The following MIS18BP1 variants were observed in gnomAD, a reference collection of about 807,000 sequenced individuals.
MIS18BP1 encodes mis18-binding protein 1.
In MIS18BP1, 72 loss-of-function variants were observed where a neutral mutation model predicts 116.1. The observed-to-expected ratio is 0.62, with a 90% confidence interval of 0.51 to 0.75. The LOEUF is 0.75. Ranked by LOEUF, MIS18BP1 falls within the 30% of genes least tolerant of loss-of-function variation. The pLI, the probability that MIS18BP1 is intolerant of heterozygous loss-of-function variation, is 0.00. For synonymous variants in MIS18BP1, 386 were observed against 427.0 expected, an observed-to-expected ratio of 0.90 and a Z score of 1.18; for missense variants, 1,363 against 1,303.2, an observed-to-expected ratio of 1.05 and a Z score of -0.71.
chr14:45,222,546 T>A (rs1891003215), intron 11 of MIS18BP1, among the ~76,000 whole-genome samples: 1 of 152,160 alleles, frequency 6.6e-6, no homozygotes, highest in South Asian at 2.1e-4. Context: ...ATCATTGTTG[T>A]TTCAATGTCA....
intron 11 of MIS18BP1, among the ~76,000 whole-genome samples, chr14:45,219,063 G>A (rs1890901317): frequency 6.6e-6 from 1 of 151,972 alleles, no homozygotes; most frequent in Non-Finnish European, 1.5e-5. Flanking sequence ...TTTAGAACCT[G>A]GTATACACAT....
chr14:45,231,941 AAGG>A (rs968992307), intron 7 of MIS18BP1, among the ~76,000 whole-genome samples: 12 of 152,220 alleles, frequency 7.9e-5, no homozygotes, highest in Non-Finnish European at 1.5e-4. Context: ...ATGAAAAAAA[AAGG>A]AGGAAGAACT....
At chr14:45,215,857 A>C (rs887353187) in intron 13 of MIS18BP1, among the ~76,000 whole-genome samples, 3 of 151,180 alleles carry the variant, frequency 2.0e-5, no homozygotes, top group African/African-American at 7.3e-5. Flanking sequence ...GGCGGCCGCC[A>C]CCATGCCTAG....
chr14:45,216,947 A>T, intron 13 of MIS18BP1, 72 bp downstream of exon 13: 1 of 1,489,970 alleles, frequency 6.7e-7, no homozygotes, highest in Non-Finnish European at 9.2e-7. Flanking sequence ...AGTGATGAAC[A>T]CTACCATACA....
At chr14:45,216,014 CTT>C (rs1202012421) in intron 13 of MIS18BP1, among the ~76,000 whole-genome samples, 2 of 152,098 alleles carry the variant, frequency 1.3e-5, no homozygotes, top group African/African-American at 4.8e-5. Context: ...TTCAGCTAAT[CTT>C]AATATTCTTA....
Position 45,247,025 on chromosome 14 carries a change from T to G in MIS18BP1, c.262A>C (p.Ser88Arg). Residue 88 changes from serine to arginine, a missense_variant, in exon 2 of 17, where the codon AGT becomes CGT. Transcript: ENST00000310806. ...TTTATAGCACTGATATCAAGAGAAC[T>G]GTTAGAGGTAGTAGCCTCTGTTAGC... The part of the protein sequence containing the change: ...TMLTEATTSN[S>R]SLDISAIKPN... 5.0e-6 allele frequency: 8 copies of G among 1,613,566 alleles called. No individual in the cohort carries two copies. Among genetic ancestry groups the G allele is most frequent in the Non-Finnish European group, 6.8e-6 (8 of 1,179,944 alleles).
At chr14:45,246,496 C>A (rs1012935507) in intron 2 of MIS18BP1, among the ~76,000 whole-genome samples, 1 of 152,184 alleles carries the variant, frequency 6.6e-6, no homozygotes, top group Non-Finnish European at 1.5e-5. Flanking sequence ...AAAATTACAT[C>A]CCCCTCCAAC....
At chr14:45,252,680 A>G (rs533199072) in intron 1 of MIS18BP1, among the ~76,000 whole-genome samples, 2 of 152,212 alleles carry the variant, frequency 1.3e-5, no homozygotes, top group Non-Finnish European at 2.9e-5. Context: ...AAGCTGAATG[A>G]TCAACTGCTT....
chr14:45,222,183 A>G (rs935760492), intron 11 of MIS18BP1, among the ~76,000 whole-genome samples: 9 of 152,192 alleles, frequency 5.9e-5, no homozygotes, highest in Non-Finnish European at 1.2e-4. Flanking sequence ...TTTTAAATTC[A>G]TTCTGACAAT....
intron 11 of MIS18BP1, among the ~76,000 whole-genome samples, chr14:45,222,380 G>GT (rs1163998955): frequency 2.0e-5 from 3 of 151,946 alleles, no homozygotes; most frequent in East Asian, 3.9e-4. Context: ...TCTTTGTATA[G>GT]TTTTTTTAGA....
At chr14:45,234,278 C>G (rs1343593921) in intron 6 of MIS18BP1, among the ~76,000 whole-genome samples, 1 of 146,866 alleles carries the variant, frequency 6.8e-6, no homozygotes, top group Non-Finnish European at 1.5e-5. Context: ...TAAATGTAAA[C>G]AAACTATATG....
At chr14:45,246,327 C>A (rs1354292758) in intron 2 of MIS18BP1, among the ~76,000 whole-genome samples, 1 of 152,188 alleles carries the variant, frequency 6.6e-6, no homozygotes, top group Admixed American at 6.5e-5. Context: ...CATAGCTAGT[C>A]CTTCAACATG....
At chr14:45,234,166 C>T (rs1375134610) in intron 6 of MIS18BP1, among the ~76,000 whole-genome samples, 1 of 150,908 alleles carries the variant, frequency 6.6e-6, no homozygotes, top group Non-Finnish European at 1.5e-5. Context: ...ATGTGGAGGC[C>T]ACTGGTGACT....
chr14:45,242,950 T>C (rs1022245560), intron 2 of MIS18BP1, 76 bp from the exon 3 acceptor site: 3 of 961,584 alleles, frequency 3.1e-6, no homozygotes, highest in Admixed American at 2.4e-5. Context: ...TTTAAAATTC[T>C]TGAAATAAAG....
chr14:45,208,871 A>G (rs951628920), intron 14 of MIS18BP1, among the ~76,000 whole-genome samples: 1 of 152,102 alleles, frequency 6.6e-6, no homozygotes, highest in Non-Finnish European at 1.5e-5. Context: ...TCTGCCTCTC[A>G]TTCTGTGGAA....
In MIS18BP1 at chr14:45,224,429, G is replaced by GTA; in HGVS notation, c.2156_2157dup (p.Leu720TyrfsTer8). On this transcript the variant is annotated frameshift_variant, in exon 11 of 17. Coordinates refer to ENST00000310806, the MANE Select transcript of MIS18BP1 (RefSeq NM_018353.5). LOFTEE classifies it high-confidence loss of function. ...ATTTTTATTTTCCGGTTGACAGTAA[G>GTA]TAAGTCACGTTCATCGCAATCTTCC... is the stretch of plus-strand genomic sequence containing the variant. 6.2e-7 allele frequency: 1 copy of GTA among 1,613,896 alleles called. No individual in the cohort carries two copies. Among genetic ancestry groups the GTA allele is most frequent in the Non-Finnish European group, 8.5e-7 (1 of 1,179,968 alleles).
chr14:45,227,790 T>C lies in MIS18BP1; in HGVS notation c.1619A>G (p.Glu540Gly). ...GTTTAATTCTGTAGCTCCTGGTGACTCACTGTGCTTATTACTCTTCAGTTC... is the reference window on the plus strand; with the variant it reads ...GTTTAATTCTGTAGCTCCTGGTGACCCACTGTGCTTATTACTCTTCAGTTC... ...NLELKSNKHS[E>G]SPGATELNMC... is the part of the protein sequence containing the mutation. The change falls in exon 9 of 17, where the codon GAG becomes GGG. Residue 540 changes from glutamate (E) to glycine (G), a missense_variant. Glu to Gly is a moderately conservative substitution (Grantham distance 98). Coordinates refer to ENST00000310806, the MANE Select transcript of MIS18BP1 (RefSeq NM_018353.5). The C allele has an allele frequency of 6.2e-7, 1 of 1,614,060 alleles. No individual in the cohort carries two copies. Among genetic ancestry groups the C allele is most frequent in the Non-Finnish European group, 8.5e-7 (1 of 1,179,938 alleles).
intron 9 of MIS18BP1, 84 bp downstream of exon 9, chr14:45,227,579 C>G: frequency 8.5e-7 from 1 of 1,169,930 alleles, no homozygotes; most frequent in South Asian, 1.6e-5. Context: ...AACTCACGTC[C>G]CTGATATGGT....
At chr14:45,218,140 T>C (rs931786378) in intron 12 of MIS18BP1, 142 bp downstream of exon 12, 3 of 929,754 alleles carry the variant, frequency 3.2e-6, no homozygotes, top group Non-Finnish European at 4.7e-6. Context: ...ATTAAACAGA[T>C]GATTTCTGAA....
Sources: allele counts gnomAD v4.1 joint callset (sites outside exome capture counted in the v4.1 genomes callset), GRCh38; gene constraint gnomAD v4.1.1; transcripts MANE v1.5; gene names NCBI Gene and HGNC (gene_info 2026-07-23, HGNC 2026-07-21).